CRY1: variants seen among roughly 807,000 people sequenced by gnomAD.
CRY1 encodes cryptochrome circadian regulator 1.
In CRY1, 45 loss-of-function variants were observed where a neutral mutation model predicts 76.0. The observed-to-expected ratio is 0.59, with a 90% confidence interval of 0.47 to 0.76. CRY1 has a LOEUF of 0.76. CRY1 is among the 30% of genes least tolerant of loss of function. The pLI is 0.00. For missense variants in CRY1, 587 were observed against 716.4 expected (o/e 0.82, Z 2.06); for synonymous variants, 248 against 244.0 (o/e 1.02, Z -0.15).
At chr12:107,040,883 C>A (rs1325339674) in intron 1 of CRY1, among the ~76,000 whole-genome samples, 1 of 150,376 alleles carries the variant, frequency 6.6e-6, no homozygotes, top group African/African-American at 2.5e-5. Flanking sequence ...GTAAGTGAGA[C>A]ATATCTCTTG....
intron 1 of CRY1, among the ~76,000 whole-genome samples, chr12:107,057,913 A>C (rs1483498769): frequency 6.8e-6 from 1 of 147,702 alleles, no homozygotes. Flanking sequence ...CAACAAAAAA[A>C]ATTAGCTGGG....
chr12:107,044,019 G>C (rs1952825829), intron 1 of CRY1, among the ~76,000 whole-genome samples: 1 of 152,126 alleles, frequency 6.6e-6, no homozygotes, highest in African/African-American at 2.4e-5. Flanking sequence ...TCAGCTTCCT[G>C]AGACCAGGCT....
intron 1 of CRY1, among the ~76,000 whole-genome samples, chr12:107,053,583 G>C (rs1231624407): frequency 6.6e-6 from 1 of 152,166 alleles, no homozygotes; most frequent in Non-Finnish European, 1.5e-5. Flanking sequence ...CTCCCAAAGT[G>C]CTGGGATTAC....
chr12:107,070,885 T>A (rs1486804954), intron 1 of CRY1, among the ~76,000 whole-genome samples: 2 of 131,678 alleles, frequency 1.5e-5, no homozygotes, highest in African/African-American at 2.9e-5. Flanking sequence ...TTTTTTTTTT[T>A]AGTAGAGACA....
chr12:107,007,113 C>T (rs1017191109), intron 2 of CRY1, among the ~76,000 whole-genome samples: 2 of 152,204 alleles, frequency 1.3e-5, no homozygotes, highest in Non-Finnish European at 2.9e-5. Context: ...CATTCTGCTG[C>T]ATTGCTCAGA....
At chr12:107,080,391 C>T (rs1365576097) in intron 1 of CRY1, among the ~76,000 whole-genome samples, 1 of 151,884 alleles carries the variant, frequency 6.6e-6, no homozygotes, top group East Asian at 1.9e-4. Context: ...AAGAGATTTG[C>T]GCTGAAGACA....
intron 1 of CRY1, among the ~76,000 whole-genome samples, chr12:107,023,403 T>C (rs1211892967): frequency 1.3e-5 from 2 of 152,216 alleles, no homozygotes; most frequent in African/African-American, 4.8e-5. Context: ...AGCTGGTGGC[T>C]GGCTACCATA....
chr12:107,059,905 C>T (rs1457788758), intron 1 of CRY1, among the ~76,000 whole-genome samples: 1 of 152,052 alleles, frequency 6.6e-6, no homozygotes, highest in Admixed American at 6.6e-5. Context: ...GTGTAATTCA[C>T]CAATTTATTG....
At chr12:107,051,002 A>G (rs564471079) in intron 1 of CRY1, among the ~76,000 whole-genome samples, 16 of 152,306 alleles carry the variant, frequency 1.1e-4, no homozygotes, top group African/African-American at 3.6e-4. Context: ...AAGAACAACA[A>G]AATAAATCCA....
intron 2 of CRY1, among the ~76,000 whole-genome samples, chr12:107,016,979 A>C (rs1952503481): frequency 6.6e-6 from 1 of 152,156 alleles, no homozygotes; most frequent in Admixed American, 6.5e-5. Flanking sequence ...CCTGGTCATC[A>C]TCATCTTATT....
At position 107,090,337 on chromosome 12, in the gene CRY1, C is replaced by T. The variant is rs530481040; in HGVS notation, c.158+2467G>A. Among the ~76,000 whole-genome samples the T allele has an allele frequency of 3.9e-5, 6 of 152,318 alleles. No individual in the cohort carries two copies. In the East Asian group the frequency reaches 1.2e-3, roughly 29 times the overall value. On this transcript the variant is annotated intron_variant, in intron 1 of 12. Transcript: ENST00000008527. ...CAAACTCCGGGCCTCAAGTGATCTG[C>T]CTGCCTCAGCCTCCCAAAGTGCTGG... is the stretch of plus-strand genomic sequence containing the variant.
chr12:107,032,793 A>G (rs1158899873), intron 1 of CRY1, among the ~76,000 whole-genome samples: 1 of 152,248 alleles, frequency 6.6e-6, no homozygotes, highest in Non-Finnish European at 1.5e-5. Context: ...TGCATGACAG[A>G]GCAAGATCAA....
At chr12:106,993,881 C>G (rs575660721) in intron 10 of CRY1, among the ~76,000 whole-genome samples, 26 of 151,982 alleles carry the variant, frequency 1.7e-4, no homozygotes, top group Non-Finnish European at 2.8e-4. Flanking sequence ...CATATTGCTA[C>G]AGTAGTAAAC....
At chr12:107,081,721 T>C (rs1465800649) in intron 1 of CRY1, among the ~76,000 whole-genome samples, 1 of 152,070 alleles carries the variant, frequency 6.6e-6, no homozygotes, top group Non-Finnish European at 1.5e-5. Flanking sequence ...TGCTATGGTC[T>C]GAATGTCTAT....
At position 106,999,534 on chromosome 12, in the gene CRY1, T is replaced by G; in HGVS notation, c.1137+17A>C. On this transcript the variant is annotated intron_variant, in intron 7 of 12. Coordinates refer to ENST00000008527, the MANE Select transcript of CRY1 (RefSeq NM_004075.5). The stretch of plus-strand genomic sequence containing the variant: ...TTCCTTCAAAATAAGGCATGCTATA[T>G]CAGTTAGAACACTTACCTTCATTCC... 6.3e-7 allele frequency: 1 copy of G among 1,584,754 alleles called. No individual in the cohort carries two copies. Among genetic ancestry groups the G allele is most frequent in the Non-Finnish European group, 8.6e-7 (1 of 1,166,804 alleles).
At chr12:107,032,122 C>T (rs573203822) in intron 1 of CRY1, among the ~76,000 whole-genome samples, 14 of 151,054 alleles carry the variant, frequency 9.3e-5, no homozygotes, top group South Asian at 8.4e-4. Context: ...TTAGTAGAGA[C>T]GGGGTTTCGC....
chr12:107,023,668 G>A (rs369489534), intron 1 of CRY1, among the ~76,000 whole-genome samples: 4 of 152,136 alleles, frequency 2.6e-5, no homozygotes, highest in Admixed American at 6.5e-5. Context: ...ATATTTTTAT[G>A]AGGATGTTAA....
chr12:107,018,110 A>G (rs923400956), intron 2 of CRY1, among the ~76,000 whole-genome samples: 1 of 152,248 alleles, frequency 6.6e-6, no homozygotes, highest in Non-Finnish European at 1.5e-5. Context: ...CATTCTATCA[A>G]GCATGTGTCA....
At chr12:107,026,769 G>GTTTTT (rs66881305) in intron 1 of CRY1, among the ~76,000 whole-genome samples, 2 of 134,194 alleles carry the variant, frequency 1.5e-5, no homozygotes, top group African/African-American at 5.5e-5. Flanking sequence ...AATAATTCCT[G>GTTTTT]TTTTTTTTTT....
Sources: allele counts gnomAD v4.1 joint callset (sites outside exome capture counted in the v4.1 genomes callset), GRCh38; gene constraint gnomAD v4.1.1; transcripts MANE v1.5; gene names NCBI Gene and HGNC (gene_info 2026-07-23, HGNC 2026-07-21).